CPLX2: variants seen among roughly 807,000 people sequenced by gnomAD.
CPLX2 encodes complexin-2.
CPLX2 carries 5 observed loss-of-function variants against 16.3 expected under a neutral mutation model. The observed-to-expected ratio is 0.31, with a 90% CI of 0.16 to 0.64. The LOEUF (loss-of-function observed/expected upper bound fraction) is 0.64, where lower values mean the gene tolerates loss of function less well. CPLX2 is among the 30% of genes least tolerant of loss of function. The probability of loss-of-function intolerance (pLI) is 0.79; values close to 1 mark genes in which losing one functional copy is unlikely to be tolerated. For synonymous variants in CPLX2, 89 were observed against 73.2 expected (o/e 1.22, Z -1.10); for missense variants, 144 against 181.4 (o/e 0.79, Z 1.18).
upstream of CPLX2, among the ~76,000 whole-genome samples, chr5:175,868,833 T>C (rs1052904638): frequency 6.6e-6 from 1 of 152,178 alleles, no homozygotes; most frequent in Non-Finnish European, 1.5e-5. Flanking sequence ...CCCCACGTGC[T>C]GGAAGGACCA....
intron 1 of CPLX2, among the ~76,000 whole-genome samples, chr5:175,801,402 G>T (rs1334658457): frequency 6.6e-6 from 1 of 152,194 alleles, no homozygotes; most frequent in Non-Finnish European, 1.5e-5. Context: ...GGAAGCATCT[G>T]GGAAGGCTTC....
intron 2 of CPLX2, among the ~76,000 whole-genome samples, chr5:175,840,902 G>C (rs1055729562): frequency 1.3e-5 from 2 of 152,198 alleles, no homozygotes; most frequent in Non-Finnish European, 2.9e-5. Flanking sequence ...TCTGTGCTGG[G>C]CACACAGGTG....
At chr5:175,818,156 G>A (rs1220699250) in intron 2 of CPLX2, among the ~76,000 whole-genome samples, 1 of 152,138 alleles carries the variant, frequency 6.6e-6, no homozygotes, top group Non-Finnish European at 1.5e-5. Flanking sequence ...GTTCAATGGG[G>A]GCTGTGGGAG....
At chr5:175,801,955 C>A (rs1346724528) in intron 1 of CPLX2, among the ~76,000 whole-genome samples, 2 of 152,212 alleles carry the variant, frequency 1.3e-5, no homozygotes, top group Non-Finnish European at 2.9e-5. Context: ...GGGAAGGGAA[C>A]TAACCCACAG....
In CPLX2 at chr5:175,809,852, G is replaced by A. The variant is rs150148545; in HGVS notation, c.-89+784G>A. On this transcript the variant is annotated intron_variant, in intron 2 of 4. Coordinates refer to the CPLX2 transcript ENST00000359546. This position sits in a 1 kb window ranked among gnomAD's most constrained non-coding sequence, Gnocchi z 4.4. ...CAAATAGTCTCTTAAGAGAAGGAAC[G>A]TCTCCAGGCCACCTCGTATTTAGCA... Among the ~76,000 whole-genome samples the A allele has an allele frequency of 3.7e-4, 56 of 152,336 alleles. 1 individual carries two copies. Among genetic ancestry groups the A allele is most frequent in the African/African-American group, 1.3e-3 (53 of 41,570 alleles).
At chr5:175,827,254 C>A (rs1191363291) in intron 2 of CPLX2, among the ~76,000 whole-genome samples, 1 of 152,198 alleles carries the variant, frequency 6.6e-6, no homozygotes, top group Admixed American at 6.5e-5. Context: ...TGGGGCCTCA[C>A]CCTCAACTAA....
chr5:175,824,901 G>A (rs570711882), intron 2 of CPLX2, among the ~76,000 whole-genome samples: 6 of 152,252 alleles, frequency 3.9e-5, no homozygotes, highest in South Asian at 2.1e-4. Flanking sequence ...TGATGGAGGC[G>A]AGGAGATCAT....
At chr5:175,851,682 C>T (rs1258032631) in intron 2 of CPLX2, among the ~76,000 whole-genome samples, 2 of 152,222 alleles carry the variant, frequency 1.3e-5, no homozygotes, top group East Asian at 3.9e-4. Flanking sequence ...GTCTCAAGAC[C>T]AAGGTAGGCT....
chr5:175,801,902 G>C (rs1758102739), intron 1 of CPLX2, among the ~76,000 whole-genome samples: 1 of 152,126 alleles, frequency 6.6e-6, no homozygotes, highest in Non-Finnish European at 1.5e-5. Flanking sequence ...TTAAGCAGGG[G>C]GGTTCAGAGT....
chr5:175,839,261 A>ATTT (rs572745421), intron 2 of CPLX2, among the ~76,000 whole-genome samples: 4 of 151,708 alleles, frequency 2.6e-5, no homozygotes, highest in African/African-American at 7.3e-5. Context: ...TTTTCCATGA[A>ATTT]TTTTTGTTTT....
intron 1 of CPLX2, among the ~76,000 whole-genome samples, chr5:175,808,064 GGGA>G (rs55665499): frequency 0.55 from 82,879 of 151,722 alleles, 24,071 homozygotes; most frequent in East Asian, 0.7. Context: ...AGGTTGTCCT[GGGA>G]GGAGGACATT....
At chr5:175,876,141 A>C (rs1000531233) in intron 1 of CPLX2, among the ~76,000 whole-genome samples, 2 of 152,182 alleles carry the variant, frequency 1.3e-5, no homozygotes, top group African/African-American at 2.4e-5. Context: ...ATATACCCCC[A>C]CACTCACATA....
intron 2 of CPLX2, among the ~76,000 whole-genome samples, chr5:175,848,045 T>C (rs1759082869): frequency 6.6e-6 from 1 of 152,216 alleles, no homozygotes; most frequent in Non-Finnish European, 1.5e-5. Flanking sequence ...CAAAGAGATG[T>C]TTAGACACAG....
intron 2 of CPLX2, among the ~76,000 whole-genome samples, chr5:175,837,341 T>G (rs1224158567): frequency 6.6e-6 from 1 of 152,204 alleles, no homozygotes; most frequent in African/African-American, 2.4e-5. Context: ...CCCTCCCCTC[T>G]TCACCTGGAG....
chr5:175,854,661 A>C (rs1003074596), intron 2 of CPLX2, among the ~76,000 whole-genome samples: 1 of 152,212 alleles, frequency 6.6e-6, no homozygotes, highest in Non-Finnish European at 1.5e-5. Context: ...CCCCATCTTC[A>C]AAGAACTCAC....
chr5:175,879,228 G>A, intron 3 of CPLX2, 145 bp downstream of exon 3: 2 of 833,180 alleles, frequency 2.4e-6, no homozygotes, highest in Non-Finnish European at 3.7e-6. Context: ...AGCAAAACGG[G>A]TATCACAAGG....
At chr5:175,820,592 C>T (rs529269732) in intron 2 of CPLX2, among the ~76,000 whole-genome samples, 209 of 152,332 alleles carry the variant, frequency 1.4e-3, no homozygotes, top group Non-Finnish European at 2.3e-3. Flanking sequence ...AGAGCCCAGA[C>T]GCCTTTATTT....
At chr5:175,870,568 G>T (rs1457048920), upstream of CPLX2, among the ~76,000 whole-genome samples, 1 of 152,070 alleles carries the variant, frequency 6.6e-6, no homozygotes, top group Non-Finnish European at 1.5e-5. Context: ...GTAATTGGGA[G>T]CCGAAAGATG....
chr5:175,803,404 T>C (rs1052206566), intron 1 of CPLX2, among the ~76,000 whole-genome samples: 2 of 151,942 alleles, frequency 1.3e-5, no homozygotes, highest in Non-Finnish European at 2.9e-5. Flanking sequence ...AGGAAGAAAG[T>C]AAAAGAGAGG....
Sources: gnomAD v4.1 joint callset for allele counts (sites outside exome capture counted in the v4.1 genomes callset) on GRCh38, gnomAD v4.1.1 for gene constraint, Gnocchi (gnomAD v3.1) non-coding constraint, MANE v1.5 for transcripts, NCBI Gene and HGNC (gene_info 2026-07-23, HGNC 2026-07-21) for gene names.